Variants in ANXA6 observed in about 807,000 individuals in gnomAD.
ANXA6 encodes 67 kDa calelectrin.
Under a neutral mutation model 95.4 loss-of-function variants are expected in ANXA6, and 71 were observed. That is an observed-to-expected ratio of 0.74 (90% CI 0.61 to 0.91). The LOEUF (loss-of-function observed/expected upper bound fraction) is 0.91. ANXA6 is among the 40% of genes least tolerant of loss of function. ANXA6 has a pLI of 0.00. For missense variants in ANXA6, 830 were observed against 876.4 expected (o/e 0.95, Z 0.67); for synonymous variants, 289 against 315.9 (o/e 0.91, Z 0.90).
chr5:151,141,749 C>A, intron 2 of ANXA6: 3 of 979,300 alleles, frequency 3.1e-6, no homozygotes, highest in Non-Finnish European at 3.6e-6. Flanking sequence ...TCTCTTCCTG[C>A]CACCTGGGAA....
rs182854141 is a variant in ANXA6, at chr5:151,132,897, C to A, written c.640+197G>T. On this transcript the variant is annotated intron_variant, in intron 9 of 25. Transcript: ENST00000354546. The stretch of plus-strand genomic sequence containing the variant: ...TATTAGGTTGGTGCAAAAGTAATTG[C>A]GGTTTTTGCCATTCCTTTAAAAACG... Among the ~76,000 whole-genome samples, 33 of 150,148 alleles carry A rather than the reference C, an allele frequency of 2.2e-4. No individual in the cohort carries two copies. In the East Asian group the frequency reaches 6.2e-3, roughly 28 times the overall value.
chr5:151,117,788 G>C lies in ANXA6; in HGVS notation c.1488C>G (p.His496Gln), dbSNP rs1376265014. The part of the protein sequence containing the change: ...EDALSSDTSG[H>Q]FRRILISLAT... ...CCAGAGAAATGAGGATCCTCCTGAA[G>C]TGGCCAGATGTGTCTGAGCTCAGAG... Residue 496 changes from histidine to glutamine, a missense_variant, in exon 19 of 26, where the codon CAC (histidine) becomes CAG (glutamine). Coordinates refer to ENST00000354546, the MANE Select transcript of ANXA6 (RefSeq NM_001155.5). 8 of 1,613,864 alleles carry C rather than the reference G, an allele frequency of 5.0e-6. No homozygotes were observed. The highest frequency in any genetic ancestry group is 6.8e-6 in the Non-Finnish European group (8 of 1,179,820).
intron 1 of ANXA6, among the ~76,000 whole-genome samples, chr5:151,153,156 A>T (rs545010421): frequency 6.6e-6 from 1 of 152,126 alleles, no homozygotes; most frequent in Admixed American, 6.5e-5. Context: ...TGCCATCACC[A>T]CTTTCCTCTT....
At position 151,128,374 on chromosome 5, in the gene ANXA6, T is replaced by C. The variant is rs1024483277; in HGVS notation, c.919-135A>G. 9 of 736,966 alleles carry C rather than the reference T, an allele frequency of 1.2e-5. No homozygotes were observed. The African/African-American group carries it at 1.4e-4, about 11-fold the overall frequency. The allele number at this position is 736,966 out of a possible 1,614,324, so 45.7% of individuals were successfully genotyped here. ...ATTCATAGCAGCCCTGGCCCTCCTGTGCTGGTTAATATTGAATAACTGGTT... is the reference window on the plus strand; with the variant it reads ...ATTCATAGCAGCCCTGGCCCTCCTGCGCTGGTTAATATTGAATAACTGGTT... On this transcript the variant is annotated intron_variant, in intron 12 of 25. Coordinates refer to ENST00000354546, the MANE Select transcript of ANXA6 (RefSeq NM_001155.5).
At chr5:151,130,958 A>G (rs545639309) in intron 11 of ANXA6, among the ~76,000 whole-genome samples, 11 of 152,336 alleles carry the variant, frequency 7.2e-5, no homozygotes, top group Admixed American at 1.3e-4. Context: ...TCAAAGTCCG[A>G]GCCGCCAACC....
chr5:151,130,920 G>A (rs1765493399), intron 11 of ANXA6, among the ~76,000 whole-genome samples: 1 of 152,256 alleles, frequency 6.6e-6, no homozygotes, highest in Admixed American at 6.5e-5. Flanking sequence ...TACATACGCT[G>A]TATAAAAACA....
intron 7 of ANXA6, among the ~76,000 whole-genome samples, chr5:151,135,514 A>G (rs977724260): frequency 6.6e-6 from 1 of 152,224 alleles, no homozygotes; most frequent in Non-Finnish European, 1.5e-5. Flanking sequence ...ATTTATATAT[A>G]AAGTTTCATA....
At chr5:151,145,589 C>G (rs6871624) in intron 2 of ANXA6, among the ~76,000 whole-genome samples, 95,909 of 151,978 alleles carry the variant, frequency 0.63, 30,522 homozygotes, top group East Asian at 0.87. Context: ...CCAGAGAAGA[C>G]GGAGCAGTTT....
At chr5:151,133,011 T>C in intron 9 of ANXA6, 83 bp downstream of exon 9, 2 of 922,758 alleles carry the variant, frequency 2.2e-6, no homozygotes, top group South Asian at 1.5e-5. Flanking sequence ...GTTCCATTAG[T>C]GGTAAAGAAA....
At position 151,104,322 on chromosome 5, in the gene ANXA6, A is replaced by G. The variant is rs62377525; in HGVS notation, c.1840-630T>C. On this transcript the variant is annotated intron_variant, in intron 24 of 25. Coordinates refer to ENST00000354546, the MANE Select transcript of ANXA6 (RefSeq NM_001155.5). ...GCCCTAGGAAACTACCACCGGGCCC[A>G]AGGAGCAGGCACAGGGCATGGAATG... Among the ~76,000 whole-genome samples the G allele has an allele frequency of 8.4e-3, 1,282 of 152,326 alleles. 10 individuals carry two copies. Among genetic ancestry groups the G allele is most frequent in the Non-Finnish European group, 0.013 (896 of 68,010 alleles).
intron 20 of ANXA6, among the ~76,000 whole-genome samples, chr5:151,112,260 T>C (rs1764870846): frequency 6.6e-6 from 1 of 152,160 alleles, no homozygotes. Context: ...AAGTAAAGTA[T>C]AGCATATTTT....
intron 3 of ANXA6, among the ~76,000 whole-genome samples, 177 bp downstream of exon 3, chr5:151,139,976 C>T (rs971898324): frequency 1.3e-5 from 2 of 150,946 alleles, no homozygotes; most frequent in South Asian, 2.1e-4. Context: ...ATTCTTTATA[C>T]TTTTTTTCTG....
At chr5:151,117,881 G>A in intron 18 of ANXA6, 44 bp from the exon 19 acceptor site, 1 of 1,554,992 alleles carries the variant, frequency 6.4e-7, no homozygotes, top group African/African-American at 1.4e-5. Flanking sequence ...GGCCAAGAAG[G>A]ATTTGGTTGC....
chr5:151,114,589 G>C (rs938949066), intron 20 of ANXA6, among the ~76,000 whole-genome samples: 1 of 126,438 alleles, frequency 7.9e-6, no homozygotes, highest in African/African-American at 3.0e-5. Flanking sequence ...ACTCCAGCCT[G>C]GGCAACAGAG....
At chr5:151,142,704 G>A (rs556331921) in intron 2 of ANXA6, among the ~76,000 whole-genome samples, 1 of 152,210 alleles carries the variant, frequency 6.6e-6, no homozygotes, top group African/African-American at 2.4e-5. Flanking sequence ...TGGGCTAAAT[G>A]AATGGATGGA....
chr5:151,149,763 C>T (rs1394647749), intron 1 of ANXA6, among the ~76,000 whole-genome samples: 4 of 151,818 alleles, frequency 2.6e-5, no homozygotes, highest in African/African-American at 2.4e-5. Flanking sequence ...GGATTATAGG[C>T]GTGAGCCACC....
At chr5:151,134,688 G>A (rs889123451) in intron 7 of ANXA6, among the ~76,000 whole-genome samples, 7 of 152,104 alleles carry the variant, frequency 4.6e-5, no homozygotes, top group African/African-American at 1.7e-4. Context: ...TCCCTTCCTC[G>A]TCAGGGCTGG....
At chr5:151,146,159 C>G (rs1170324471) in intron 2 of ANXA6, among the ~76,000 whole-genome samples, 2 of 152,238 alleles carry the variant, frequency 1.3e-5, no homozygotes, top group African/African-American at 4.8e-5. Context: ...GGCCCAGGAG[C>G]ACTGGACCAA....
At chr5:151,105,358 A>C in intron 23 of ANXA6, 55 bp from the exon 24 acceptor site, 3 of 1,529,404 alleles carry the variant, frequency 2.0e-6, no homozygotes, top group East Asian at 2.3e-5. Context: ...GTGAACCCAG[A>C]CTCTGGACCG....
Sources: allele counts gnomAD v4.1 joint callset (sites outside exome capture counted in the v4.1 genomes callset), GRCh38; gene constraint gnomAD v4.1.1; transcripts MANE v1.5; gene names NCBI Gene and HGNC (gene_info 2026-07-23, HGNC 2026-07-21).